Variants in ST8SIA4 observed in about 807,000 individuals in gnomAD.
The protein encoded by ST8SIA4 is CMP-N-acetylneuraminate-poly-alpha-2,8-sialyltransferase.
A neutral mutation model predicts 33.9 loss-of-function variants in ST8SIA4; 15 were observed. The observed-to-expected ratio is 0.44, with a 90% CI of 0.30 to 0.68. The LOEUF (loss-of-function observed/expected upper bound fraction) is 0.68. ST8SIA4 is among the 30% of genes least tolerant of loss of function. The pLI, the probability that ST8SIA4 is intolerant of heterozygous loss-of-function variation, is 0.10. For synonymous variants in ST8SIA4, 171 were observed against 151.2 expected, an observed-to-expected ratio of 1.13 and a Z score of -0.96; for missense variants, 321 against 428.0, an observed-to-expected ratio of 0.75 and a Z score of 2.21.
Position 100,809,351 on chromosome 5 carries a change from G to C in ST8SIA4, c.*2496C>G, listed in dbSNP as rs1229863725. 1.3e-5 allele frequency: 2 copies of C among 150,856 alleles called. No homozygotes were observed. The highest frequency in any genetic ancestry group is 4.9e-5 in the African/African-American group (2 of 41,060). 9.3% of individuals were successfully genotyped at this position (150,856 alleles called of 1,614,324 possible). ...TGTAACCCCAGCTACTTGGGAGGCT[G>C]AGGCACGAGAATCACTTGAACCCAG... On this transcript the variant is annotated 3_prime_UTR_variant, in exon 5 of 5. Transcript: ENST00000231461.
chr5:100,882,422 G>A (rs753102599), intron 3 of ST8SIA4, among the ~76,000 whole-genome samples: 147 of 152,214 alleles, frequency 9.7e-4, no homozygotes, highest in Non-Finnish European at 1.8e-3. Flanking sequence ...AAGGCACTCA[G>A]TTTTAGAAGA....
chr5:100,817,049 T>C (rs1370151232), intron 4 of ST8SIA4, among the ~76,000 whole-genome samples: 1 of 150,544 alleles, frequency 6.6e-6, no homozygotes, highest in African/African-American at 2.4e-5. Flanking sequence ...TTGAAACTAT[T>C]CTCCTGCTTA....
intron 4 of ST8SIA4, among the ~76,000 whole-genome samples, chr5:100,816,732 C>G (rs1221499695): frequency 6.6e-6 from 1 of 152,066 alleles, no homozygotes; most frequent in Admixed American, 6.6e-5. Context: ...ATTCTTCTAT[C>G]TGGAATGTGA....
chr5:100,844,534 A>C (rs1751528465), intron 4 of ST8SIA4, among the ~76,000 whole-genome samples: 1 of 151,946 alleles, frequency 6.6e-6, no homozygotes, highest in South Asian at 2.1e-4. Context: ...CCTGCACTGG[A>C]TACTGGTCTT....
In ST8SIA4 at chr5:100,811,583, T is replaced by A. The variant is rs775418595; in HGVS notation, c.*264A>T. 1.6e-5 allele frequency: 6 copies of A among 372,246 alleles called. No individual in the cohort carries two copies. Among genetic ancestry groups the A allele is most frequent in the Non-Finnish European group, 2.5e-5 (5 of 202,100 alleles). The allele number at this position is 372,246 out of a possible 1,614,324, so 23.1% of individuals were successfully genotyped here. A position where few individuals can be genotyped will look rare whatever the true frequency, so the allele number is the denominator to read the frequency against. ...AACTAATGATGAGTGCACTGTTGGATCTTGTAAACACTACTGATTATACAT... is the reference window on the plus strand; with the variant it reads ...AACTAATGATGAGTGCACTGTTGGAACTTGTAAACACTACTGATTATACAT... On this transcript the variant is annotated 3_prime_UTR_variant, in exon 5 of 5. Coordinates refer to ENST00000231461, the MANE Select transcript of ST8SIA4 (RefSeq NM_005668.6).
At chr5:100,841,040 G>A (rs1751461427) in intron 4 of ST8SIA4, among the ~76,000 whole-genome samples, 2 of 151,568 alleles carry the variant, frequency 1.3e-5, no homozygotes, top group African/African-American at 2.4e-5. Flanking sequence ...CCAAAATAAG[G>A]GAAATGCAAA....
At chr5:100,817,399 CAATA>C (rs1181813967) in intron 4 of ST8SIA4, among the ~76,000 whole-genome samples, 1 of 151,908 alleles carries the variant, frequency 6.6e-6, no homozygotes, top group East Asian at 1.9e-4. Context: ...CAGTATGGAG[CAATA>C]AATAAATGTA....
At chr5:100,861,387 A>G (rs937554601) in intron 3 of ST8SIA4, among the ~76,000 whole-genome samples, 1 of 152,314 alleles carries the variant, frequency 6.6e-6, no homozygotes, top group African/African-American at 2.4e-5. Flanking sequence ...AGAAATTCAC[A>G]GAATGAAAAT....
intron 3 of ST8SIA4, among the ~76,000 whole-genome samples, chr5:100,876,625 T>A (rs1180064239): frequency 1.3e-5 from 2 of 152,192 alleles, no homozygotes; most frequent in East Asian, 3.9e-4. Flanking sequence ...CTCGTAAAAA[T>A]ACTAGGCATT....
Position 100,808,729 on chromosome 5 carries a change from A to G in ST8SIA4, c.*3118T>C, listed in dbSNP as rs1412835509. 2 of 152,552 alleles carry G rather than the reference A, an allele frequency of 1.3e-5. No individual in the cohort carries two copies. The highest frequency in any genetic ancestry group is 2.1e-4 in the South Asian group (1 of 4,828). 9.4% of individuals were successfully genotyped at this position (152,552 alleles called of 1,614,324 possible). On this transcript the variant is annotated 3_prime_UTR_variant, in exon 5 of 5. Transcript: ENST00000231461. The stretch of plus-strand genomic sequence containing the variant: ...ATGCTCCGCTATTGGTTAAATCTCA[A>G]CTCTTTTTCTTATTCTTGCCATTAG...
intron 1 of ST8SIA4, among the ~76,000 whole-genome samples, chr5:100,898,778 C>A (rs994017597): frequency 6.6e-6 from 1 of 152,192 alleles, no homozygotes; most frequent in Non-Finnish European, 1.5e-5. Flanking sequence ...GTCTCTCATT[C>A]CAGATCAGAC....
intron 3 of ST8SIA4, among the ~76,000 whole-genome samples, chr5:100,872,875 TAA>T (rs550303574): frequency 0.33 from 43,630 of 132,214 alleles, 6,747 homozygotes; most frequent in Admixed American, 0.42. Flanking sequence ...AGATATGGGC[TAA>T]AAAAAAAAAA....
chr5:100,857,368 A>T (rs1033993660), intron 3 of ST8SIA4, among the ~76,000 whole-genome samples: 17 of 151,904 alleles, frequency 1.1e-4, no homozygotes, highest in Non-Finnish European at 5.9e-5. Context: ...ACCTGATTTT[A>T]AAAATAGCTT....
chr5:100,871,127 T>A (rs1752189981), intron 3 of ST8SIA4, among the ~76,000 whole-genome samples: 1 of 152,064 alleles, frequency 6.6e-6, no homozygotes, highest in Admixed American at 6.6e-5. Context: ...GATAAAGTCT[T>A]AAGGCCATTC....
intron 4 of ST8SIA4, among the ~76,000 whole-genome samples, chr5:100,819,402 C>G (rs1750993709): frequency 6.6e-6 from 1 of 152,160 alleles, no homozygotes; most frequent in Non-Finnish European, 1.5e-5. Flanking sequence ...TATTTTTATT[C>G]CTGCCATAAA....
intron 1 of ST8SIA4, among the ~76,000 whole-genome samples, chr5:100,897,463 T>C (rs1176370593): frequency 6.6e-6 from 1 of 152,212 alleles, no homozygotes; most frequent in Non-Finnish European, 1.5e-5. Context: ...TTTGTATTTA[T>C]TTCTTTACAT....
intron 3 of ST8SIA4, among the ~76,000 whole-genome samples, chr5:100,859,112 A>G (rs1303507437): frequency 6.6e-6 from 1 of 152,042 alleles, no homozygotes; most frequent in Non-Finnish European, 1.5e-5. Context: ...AAAATAACCA[A>G]CGAGCTGTGT....
chr5:100,845,413 C>CTA (rs990619729), intron 4 of ST8SIA4, among the ~76,000 whole-genome samples: 1 of 151,336 alleles, frequency 6.6e-6, no homozygotes, highest in African/African-American at 2.4e-5. Flanking sequence ...AATTATTTTA[C>CTA]TATATATAAG....
At chr5:100,881,562 A>T (rs994634916) in intron 3 of ST8SIA4, among the ~76,000 whole-genome samples, 12 of 152,180 alleles carry the variant, frequency 7.9e-5, no homozygotes, top group Admixed American at 7.2e-4. Flanking sequence ...ATACTCATGA[A>T]ATCTAAAAGA....
Sources: gnomAD v4.1 joint callset for allele counts (sites outside exome capture counted in the v4.1 genomes callset) on GRCh38, gnomAD v4.1.1 for gene constraint, MANE v1.5 for transcripts, NCBI Gene and HGNC (gene_info 2026-07-23, HGNC 2026-07-21) for gene names.